The following GRB7 variants were observed in gnomAD, a reference collection of about 807,000 sequenced individuals.
GRB7 encodes growth factor receptor-bound protein 7.
GRB7 carries 47 observed loss-of-function variants against 64.1 expected under a neutral mutation model. The observed-to-expected ratio is 0.73, with a 90% CI of 0.58 to 0.94. The LOEUF (loss-of-function observed/expected upper bound fraction) is 0.94. Among genes scored for constraint, GRB7 ranks in the 40% least tolerant of loss-of-function variants. GRB7 has a pLI of 0.00. For missense variants in GRB7, 634 were observed against 718.4 expected (o/e 0.88, Z 1.34); for synonymous variants, 277 against 279.9 (o/e 0.99, Z 0.10).
At chr17:39,746,645 A>T in intron 14 of GRB7, 106 bp from the exon 15 acceptor site, 1 of 461,958 alleles carries the variant, frequency 2.2e-6, no homozygotes, top group Non-Finnish European at 3.2e-6. Context: ...AAAAAGAAAA[A>T]GAAAAAAGAA....
intron 7 of GRB7, 85 bp from the exon 8 acceptor site, chr17:39,744,468 T>C: frequency 8.6e-7 from 1 of 1,167,406 alleles, no homozygotes; most frequent in Non-Finnish European, 1.2e-6. Context: ...TCTCTGGTCC[T>C]GAAATCTCCC....
At chr17:39,746,039 G>A (rs776774993) in intron 13 of GRB7, 39 bp downstream of exon 13, 3 of 1,611,112 alleles carry the variant, frequency 1.9e-6, no homozygotes, top group Admixed American at 1.7e-5. Flanking sequence ...AGGGATAAGA[G>A]AGACTGGGGT....
Position 39,745,003 on chromosome 17 carries a change from C to T in GRB7, c.1011+19C>T, listed in dbSNP as rs774285754. ...CTTCAAGGTGAGACCCTGGGAGTGG[C>T]ATGGGGGGCTGGCCTGGCCAGAGGG... On this transcript the variant is annotated intron_variant, in intron 9 of 14. Coordinates refer to ENST00000309156, the MANE Select transcript of GRB7 (RefSeq NM_005310.5). 7 of 1,596,044 alleles carry T rather than the reference C, an allele frequency of 4.4e-6. No individual in the cohort carries two copies. Among genetic ancestry groups the T allele is most frequent in the South Asian group, 2.2e-5 (2 of 90,514 alleles).
intron 1 of GRB7, among the ~76,000 whole-genome samples, chr17:39,740,391 G>A (rs945739249): frequency 2.6e-5 from 4 of 152,194 alleles, no homozygotes; most frequent in Non-Finnish European, 5.9e-5. Context: ...GAATGTGTCA[G>A]GAGGAACTTC....
intron 1 of GRB7, chr17:39,738,708 A>T (rs2059971312): frequency 4.0e-6 from 2 of 500,814 alleles, no homozygotes. Context: ...AGCCGCCCTC[A>T]CTCTCTGGCT....
Position 39,744,001 on chromosome 17 carries a change from A to G in GRB7, c.664-69A>G, listed in dbSNP as rs538238070. 2.3e-5 allele frequency: 36 copies of G among 1,572,974 alleles called. No homozygotes were observed. In the African/African-American group the frequency reaches 4.4e-4, roughly 19 times the overall value. Reference sequence around the variant, plus strand: ...CTCAAAAAGAAAAAGAAAAAGAGAAACATCCTGGTGGTAGAGGGGAAGGGA... The same window carrying G: ...CTCAAAAAGAAAAAGAAAAAGAGAAGCATCCTGGTGGTAGAGGGGAAGGGA... On this transcript the variant is annotated intron_variant, in intron 6 of 14. Coordinates refer to ENST00000309156, the MANE Select transcript of GRB7 (RefSeq NM_005310.5).
intron 9 of GRB7, 79 bp downstream of exon 9, chr17:39,745,063 G>T: frequency 2.4e-6 from 3 of 1,267,166 alleles, no homozygotes; most frequent in Non-Finnish European, 3.4e-6. Context: ...TCTCAGGAAT[G>T]AGGAGGGCAT....
rs745856758 is a variant in GRB7 at position 39,745,326 on chromosome 17, G to C, written c.1092+3G>C. 6.2e-7 allele frequency: 1 copy of C among 1,604,318 alleles called. No individual in the cohort carries two copies. Among genetic ancestry groups the C allele is most frequent in the Non-Finnish European group, 8.5e-7 (1 of 1,172,166 alleles). Reference sequence around the variant, plus strand: ...CTTGTTTGGGCTCCCCACCCTTGGTGAGTGTGCCCAAGGGGATGGGAGGGT... The same window carrying C: ...CTTGTTTGGGCTCCCCACCCTTGGTCAGTGTGCCCAAGGGGATGGGAGGGT... On this transcript the variant is annotated splice_donor_region_variant and intron_variant, in intron 10 of 14. Coordinates refer to ENST00000309156, the MANE Select transcript of GRB7 (RefSeq NM_005310.5).
intron 3 of GRB7, 22 bp from the exon 4 acceptor site, chr17:39,742,876 G>A (rs201251589): frequency 4.2e-5 from 65 of 1,562,888 alleles, no homozygotes; most frequent in East Asian, 2.5e-4. Context: ...CCCTCAAGTC[G>A]TGTGCAATTC....
intron 1 of GRB7, chr17:39,740,010 C>A: frequency 1.0e-6 from 1 of 985,422 alleles, no homozygotes; most frequent in Non-Finnish European, 1.2e-6. Context: ...ATCTCTGAGG[C>A]CAGGCTCTAA....
intron 7 of GRB7, 95 bp downstream of exon 7, chr17:39,744,302 CT>C: frequency 2.1e-5 from 31 of 1,473,388 alleles, no homozygotes; most frequent in Non-Finnish European, 2.9e-5. Context: ...CCTTCTCCCC[CT>C]GGGCCCCCCA....
chr17:39,738,962 G>A, intron 1 of GRB7: 1 of 1,532,838 alleles, frequency 6.5e-7, no homozygotes. Context: ...CATGAAATGG[G>A]CAGGAAGGCT....
chr17:39,747,093 C>T lies in GRB7; in HGVS notation c.*196C>T, dbSNP rs982179693. The T allele has an allele frequency of 3.3e-6, 2 of 604,722 alleles. No individual in the cohort carries two copies. The highest frequency in any genetic ancestry group is 3.8e-5 in the African/African-American group (2 of 53,316). The allele number at this position is 604,722 out of a possible 1,614,324, so 37.5% of individuals were successfully genotyped here. A position where few individuals can be genotyped will look rare whatever the true frequency, so the allele number is the denominator to read the frequency against. On this transcript the variant is annotated 3_prime_UTR_variant, in exon 15 of 15. Coordinates refer to ENST00000309156, the MANE Select transcript of GRB7 (RefSeq NM_005310.5). ...CCCCACTCCAGTCCACTCCTGACCC[C>T]TCTCCTCAAGGGAAGGCCTTGGGTG...
rs775378357 is a variant in GRB7 at position 39,742,964 on chromosome 17, C to T, written c.373C>T (p.Arg125Cys). The T allele has an allele frequency of 7.1e-5, 115 of 1,613,146 alleles. No homozygotes were observed. Among genetic ancestry groups the T allele is most frequent in the Non-Finnish European group, 8.3e-5 (98 of 1,179,554 alleles). The change falls in exon 4 of 15, where the codon CGC (arginine) becomes TGC (cysteine). Residue 125 changes from arginine to cysteine, a missense_variant. This residue lies in a region of GRB7 where 467 missense variants were observed against 576.6 expected (regional missense o/e 0.81). Transcript: ENST00000309156. ...GGAGGTGGCAGCAGGTGCCACAGCTCGCCACGTGTGTGAAATGCTGGTGCA... is the reference window on the plus strand; with the variant it reads ...GGAGGTGGCAGCAGGTGCCACAGCTTGCCACGTGTGTGAAATGCTGGTGCA... The part of the protein sequence containing the change: ...SVEVAAGATA[R>C]HVCEMLVQRA...
rs775161135 is a variant in GRB7, at chr17:39,746,707, C to G, written c.1453-44C>G. ...TGGCCCAGGAGGGAGCTTCCCAAGC[C>G]TCGGGCCCCTCCCTGAACTTCCACC... On this transcript the variant is annotated intron_variant, in intron 14 of 14. Coordinates refer to ENST00000309156, the MANE Select transcript of GRB7 (RefSeq NM_005310.5). 19 of 1,599,882 alleles carry G rather than the reference C, an allele frequency of 1.2e-5. No individual in the cohort carries two copies. In the South Asian group the frequency reaches 1.5e-4, roughly 13 times the overall value.
In GRB7 at chr17:39,745,253, A is replaced by C. The variant is rs2060034147; in HGVS notation, c.1022A>C (p.Gln341Pro). ...TCTCCCCACCCCCAGTACGGGGTGCAGCTGTACAAGAATTACCAGCAGGCA... is the reference window on the plus strand; with the variant it reads ...TCTCCCCACCCCCAGTACGGGGTGCCGCTGTACAAGAATTACCAGCAGGCA... ...AAFRLFKYGV[Q>P]LYKNYQQAQS... The change falls in exon 10 of 15, where the codon CAG becomes CCG. Residue 341 changes from glutamine to proline, a missense_variant. Physicochemically the swap from Gln to Pro is moderately conservative, Grantham distance 76. Around this residue, in one of 2 missense-constraint regions of GRB7, gnomAD observed 467 missense variants for 576.6 expected, o/e 0.81. Transcript: ENST00000309156. The C allele has an allele frequency of 6.2e-7, 1 of 1,608,768 alleles. No homozygotes were observed. The highest frequency in any genetic ancestry group is 8.5e-7 in the Non-Finnish European group (1 of 1,177,002).
In GRB7 at chr17:39,746,734, C is replaced by G. The variant is rs762295314; in HGVS notation, c.1453-17C>G. 16 of 1,613,236 alleles carry G rather than the reference C, an allele frequency of 9.9e-6. 1 individual carries two copies. The South Asian group carries it at 1.2e-4, about 12-fold the overall frequency. ...CGGGCCCCTCCCTGAACTTCCACCC[C>G]CTTTACTGTACCCCAGAGCGAGGAG... On this transcript the variant is annotated splice_polypyrimidine_tract_variant and intron_variant, in intron 14 of 14. Transcript: ENST00000309156.
intron 9 of GRB7, 67 bp from the exon 10 acceptor site, chr17:39,745,176 G>T: frequency 1.5e-6 from 2 of 1,353,160 alleles, no homozygotes; most frequent in Admixed American, 4.1e-5. Context: ...CCTGGTCTGA[G>T]GGGGGCGTCA....
chr17:39,742,644 C>T lies in GRB7; in HGVS notation c.234C>T (p.Pro78=), dbSNP rs769395094. The change falls in exon 3 of 15, where the codon CCC becomes CCT. Residue 78 remains proline (P), a synonymous_variant. Coordinates refer to ENST00000309156, the MANE Select transcript of GRB7 (RefSeq NM_005310.5). ...CCTTCCCTGAGCTCTGCAGTCCTCC[C>T]TCACAGAGCCCAATTCTCGGGGGCC... ...PNPFPELCSP[P]SQSPILGGPS... 6 of 1,610,646 alleles carry T rather than the reference C, an allele frequency of 3.7e-6. No homozygotes were observed. In the East Asian group the frequency reaches 1.3e-4, roughly 36 times the overall value.
Sources: allele counts gnomAD v4.1 joint callset (sites outside exome capture counted in the v4.1 genomes callset), GRCh38; gene constraint gnomAD v4.1.1; regional missense constraint gnomAD v4.1.1; transcripts MANE v1.5; gene names NCBI Gene and HGNC (gene_info 2026-07-23, HGNC 2026-07-21).